The following ASTN2 variants were observed in gnomAD, a reference collection of about 807,000 sequenced individuals.
The protein encoded by ASTN2 is astrotactin 2, also known as astrotactin-2.
Under a neutral mutation model 139.8 loss-of-function variants are expected in ASTN2, and 54 were observed. That is an observed-to-expected ratio of 0.39 (90% CI 0.31 to 0.48). ASTN2 has a LOEUF of 0.48. Ranked by LOEUF, ASTN2 falls within the 20% of genes least tolerant of loss-of-function variation. ASTN2 has a pLI of 0.95. For missense variants in ASTN2, 1,565 were observed against 1,725.1 expected (o/e 0.91, Z 1.64); for synonymous variants, 756 against 719.5 (o/e 1.05, Z -0.81).
chr9:117,317,519 G>A (rs1367291231), intron 1 of ASTN2, among the ~76,000 whole-genome samples: 2 of 152,176 alleles, frequency 1.3e-5, no homozygotes, highest in African/African-American at 4.8e-5. Context: ...TAGGATAACT[G>A]GTTCCAAGAT....
chr9:116,578,445 T>C (rs1215961564), intron 19 of ASTN2, among the ~76,000 whole-genome samples: 3 of 152,120 alleles, frequency 2.0e-5, no homozygotes, highest in South Asian at 2.1e-4. Flanking sequence ...TCCTGACAAA[T>C]GTTCTAAGAA....
chr9:116,959,809 A>T (rs971066093), intron 10 of ASTN2, among the ~76,000 whole-genome samples: 69 of 152,232 alleles, frequency 4.5e-4, no homozygotes, highest in Admixed American at 4.5e-3. Context: ...GAGAAGAGAG[A>T]AAAAGCAAGG....
chr9:116,769,572 T>A (rs563239331), intron 13 of ASTN2, among the ~76,000 whole-genome samples: 3 of 152,228 alleles, frequency 2.0e-5, no homozygotes, highest in African/African-American at 7.2e-5. Context: ...AAGTTATTAA[T>A]GACATTGTAT....
intron 3 of ASTN2, among the ~76,000 whole-genome samples, chr9:117,192,785 A>C (rs1831382290): frequency 6.6e-6 from 1 of 152,238 alleles, no homozygotes; most frequent in Non-Finnish European, 1.5e-5. Flanking sequence ...ATGTGGGTAT[A>C]AAGTACAATT....
At chr9:116,480,813 G>A (rs1338138205) in intron 20 of ASTN2, among the ~76,000 whole-genome samples, 4 of 152,166 alleles carry the variant, frequency 2.6e-5, no homozygotes, top group Non-Finnish European at 2.9e-5. Flanking sequence ...TCTAGCAAGC[G>A]TGCCTGCAGA....
At chr9:117,128,813 G>A (rs1829762515) in intron 4 of ASTN2, among the ~76,000 whole-genome samples, 1 of 152,184 alleles carries the variant, frequency 6.6e-6, no homozygotes, top group Non-Finnish European at 1.5e-5. Flanking sequence ...CACAATCATG[G>A]CGGAAGGCAA....
At chr9:116,644,664 T>C (rs954991363) in intron 17 of ASTN2, among the ~76,000 whole-genome samples, 3 of 152,202 alleles carry the variant, frequency 2.0e-5, no homozygotes, top group African/African-American at 7.2e-5. Context: ...AAGATTTTAA[T>C]AGCCCTATCT....
chr9:116,502,245 CAGAG>C (rs921983067), intron 19 of ASTN2, among the ~76,000 whole-genome samples: 27 of 151,030 alleles, frequency 1.8e-4, no homozygotes, highest in Non-Finnish European at 3.8e-4. Context: ...CAGAGAGAGA[CAGAG>C]AGAGACACAC....
chr9:116,469,050 C>G (rs1057390122), intron 20 of ASTN2, among the ~76,000 whole-genome samples: 1 of 152,190 alleles, frequency 6.6e-6, no homozygotes, highest in African/African-American at 2.4e-5. Context: ...TCTGAACTCT[C>G]ATATCATTGA....
At chr9:117,103,692 T>C (rs1351475739) in intron 4 of ASTN2, among the ~76,000 whole-genome samples, 1 of 152,188 alleles carries the variant, frequency 6.6e-6, no homozygotes, top group African/African-American at 2.4e-5. Context: ...CTCCGTGTCT[T>C]CCTCAAGCTG....
At chr9:116,587,579 T>A (rs184680036) in intron 19 of ASTN2, among the ~76,000 whole-genome samples, 2 of 152,120 alleles carry the variant, frequency 1.3e-5, no homozygotes, top group African/African-American at 2.4e-5. Context: ...GATAATGATA[T>A]AAGCTTCCAG....
chr9:117,212,498 T>C (rs1251299137), intron 3 of ASTN2, among the ~76,000 whole-genome samples: 1 of 151,894 alleles, frequency 6.6e-6, no homozygotes, highest in African/African-American at 2.4e-5. Flanking sequence ...AAAATATTCA[T>C]AAAATATTTA....
chr9:116,881,329 C>T (rs1175943596), intron 10 of ASTN2, among the ~76,000 whole-genome samples: 1 of 152,178 alleles, frequency 6.6e-6, no homozygotes, highest in Non-Finnish European at 1.5e-5. Context: ...CCTATAATTT[C>T]CTAGTGGAGC....
Position 116,425,252 on chromosome 9 carries a change from C to T in ASTN2, c.*599G>A, listed in dbSNP as rs1847272006. ...AGAGAGACAATAGGAATTTTTAATGCATGGACAGGCCTGCAGGGACTCTGG... is the reference window on the plus strand; with the variant it reads ...AGAGAGACAATAGGAATTTTTAATGTATGGACAGGCCTGCAGGGACTCTGG... On this transcript the variant is annotated 3_prime_UTR_variant, in exon 23 of 23. Coordinates refer to ENST00000313400, the MANE Select transcript of ASTN2 (RefSeq NM_001365068.1). The T allele has an allele frequency of 2.9e-6, 1 of 349,456 alleles. No individual in the cohort carries two copies. The highest frequency in any genetic ancestry group is 5.2e-6 in the Non-Finnish European group (1 of 192,694). 21.6% of individuals were successfully genotyped at this position (349,456 alleles called of 1,614,324 possible). A position where few individuals can be genotyped will look rare whatever the true frequency, so the allele number is the denominator to read the frequency against.
chr9:116,962,443 T>C (rs1231248052), intron 10 of ASTN2, among the ~76,000 whole-genome samples: 1 of 152,218 alleles, frequency 6.6e-6, no homozygotes, highest in Non-Finnish European at 1.5e-5. Context: ...ATGTTTGGTT[T>C]AACTTGTGTA....
At chr9:116,793,820 G>A (rs921464690) in intron 13 of ASTN2, among the ~76,000 whole-genome samples, 21 of 152,278 alleles carry the variant, frequency 1.4e-4, no homozygotes, top group Admixed American at 5.2e-4. Flanking sequence ...AGTTTGAGAA[G>A]CACTGGCATA....
intron 19 of ASTN2, among the ~76,000 whole-genome samples, chr9:116,494,211 A>T (rs942060059): frequency 1.3e-5 from 2 of 152,088 alleles, no homozygotes; most frequent in African/African-American, 4.8e-5. Flanking sequence ...CCTAGTTTTG[A>T]AGCCAGACCT....
chr9:116,565,558 C>T (rs140732832), intron 19 of ASTN2, among the ~76,000 whole-genome samples: 46 of 149,626 alleles, frequency 3.1e-4, no homozygotes, highest in African/African-American at 1.0e-3. Context: ...CCACCCCGGA[C>T]CCCAAGCTCA....
intron 4 of ASTN2, among the ~76,000 whole-genome samples, chr9:117,127,672 G>GTTTTTTTTTTTTTTTTTTTTTTTTTT (rs11427891): frequency 1.4e-5 from 1 of 70,890 alleles, no homozygotes; most frequent in Non-Finnish European, 2.5e-5. Flanking sequence ...TTTTGTTTTG[G>GTTTTTTTTTTTTTTTTTTTTTTTTTT]TTTTTTTTTT....
Sources: gnomAD v4.1 joint callset for allele counts (sites outside exome capture counted in the v4.1 genomes callset) on GRCh38, gnomAD v4.1.1 for gene constraint, MANE v1.5 for transcripts, NCBI Gene and HGNC (gene_info 2026-07-23, HGNC 2026-07-21) for gene names.